The following TOM1 variants were observed in gnomAD, a reference collection of about 807,000 sequenced individuals.
The protein encoded by TOM1 is target of Myb protein 1.
A neutral mutation model predicts 61.3 loss-of-function variants in TOM1; 38 were observed. That is an observed-to-expected ratio of 0.62 (90% CI 0.48 to 0.81). The LOEUF (loss-of-function observed/expected upper bound fraction) is 0.81. Among genes scored for constraint, TOM1 ranks in the 40% least tolerant of loss-of-function variants. The pLI, the probability that TOM1 is intolerant of heterozygous loss-of-function variation, is 0.00. For synonymous variants in TOM1, 270 were observed against 268.8 expected (o/e 1.00, Z -0.04); for missense variants, 591 against 659.6 (o/e 0.90, Z 1.14).
intron 1 of TOM1, 82 bp from the exon 2 acceptor site, chr22:35,317,795 A>T: frequency 9.8e-7 from 1 of 1,018,058 alleles, no homozygotes; most frequent in Non-Finnish European, 1.6e-6. Context: ...CCGGCCCTGC[A>T]CCCCCCTCCT....
rs1461849498 is a variant in TOM1 at position 35,300,105 on chromosome 22, C to G, written c.52+125C>G. 4.7e-6 allele frequency: 5 copies of G among 1,057,502 alleles called. No individual in the cohort carries two copies. The East Asian group carries it at 7.9e-5, about 17-fold the overall frequency. 65.5% of individuals were successfully genotyped at this position (1,057,502 alleles called of 1,614,324 possible). Reference sequence around the variant, plus strand: ...GCAAGGAGGCTGGCGTGTAGCTCTCCGACCTGGCTCCGCCCAGCTTTCCTC... The same window carrying G: ...GCAAGGAGGCTGGCGTGTAGCTCTCGGACCTGGCTCCGCCCAGCTTTCCTC... On this transcript the variant is annotated intron_variant, in intron 1 of 14. Transcript: ENST00000449058.
At chr22:35,345,849 C>T (rs1930464138) in intron 13 of TOM1, 65 bp downstream of exon 13, 3 of 1,553,304 alleles carry the variant, frequency 1.9e-6, no homozygotes, top group South Asian at 2.2e-5. Context: ...AAGAAATGAC[C>T]CATGGGGCCA....
intron 1 of TOM1, among the ~76,000 whole-genome samples, chr22:35,306,602 A>G (rs1926350362): frequency 6.6e-6 from 1 of 152,170 alleles, no homozygotes; most frequent in Non-Finnish European, 1.5e-5. Flanking sequence ...CTGTTCTTCA[A>G]TGTCCTCGTC....
chr22:35,343,280 TAC>T (rs1208651581), intron 12 of TOM1, among the ~76,000 whole-genome samples: 9 of 103,884 alleles, frequency 8.7e-5, no homozygotes, highest in Admixed American at 3.2e-4. Context: ...CTCATACACC[TAC>T]ACACACAGCC....
chr22:35,302,103 G>A (rs1450760630), intron 1 of TOM1, among the ~76,000 whole-genome samples: 1 of 152,158 alleles, frequency 6.6e-6, no homozygotes, highest in East Asian at 1.9e-4. Context: ...AAATACTTCT[G>A]TGCAAAGAGA....
chr22:35,334,086 G>A (rs188909969), intron 10 of TOM1, among the ~76,000 whole-genome samples: 65 of 152,300 alleles, frequency 4.3e-4, no homozygotes, highest in African/African-American at 1.5e-3. Context: ...AATGGATAGC[G>A]TTTTGACTGT....
chr22:35,346,618 G>A (rs1930520836), intron 13 of TOM1, among the ~76,000 whole-genome samples: 1 of 152,202 alleles, frequency 6.6e-6, no homozygotes, highest in Admixed American at 6.5e-5. Flanking sequence ...CAGGTGCTGG[G>A]CTTGGCGTGC....
chr22:35,345,539 T>G (rs573763510), intron 12 of TOM1, 186 bp from the exon 13 acceptor site: 4 of 628,536 alleles, frequency 6.4e-6, no homozygotes, highest in Non-Finnish European at 1.2e-5. Context: ...CCCTGCTTAG[T>G]CTCCTGGCTC....
In TOM1 at chr22:35,334,457, C is replaced by T. The variant is rs1929114072; in HGVS notation, c.1148+9C>T. The T allele has an allele frequency of 6.2e-7, 1 of 1,613,568 alleles. No individual in the cohort carries two copies. Among genetic ancestry groups the T allele is most frequent in the Non-Finnish European group, 8.5e-7 (1 of 1,179,950 alleles). ...GCTGACCAACGGAAAGAGTGAGTGG[C>T]CTGGCCCTGCCCTGGTCCCCTGCAG... is the stretch of plus-strand genomic sequence containing the variant. On this transcript the variant is annotated intron_variant, in intron 11 of 14. Coordinates refer to ENST00000449058, the MANE Select transcript of TOM1 (RefSeq NM_005488.3).
At position 35,323,263 on chromosome 22, in the gene TOM1, G is replaced by A. The variant is rs1441979833; in HGVS notation, c.366+86G>A. On this transcript the variant is annotated intron_variant, in intron 4 of 14. Coordinates refer to ENST00000449058, the MANE Select transcript of TOM1 (RefSeq NM_005488.3). This position sits in a 1 kb window ranked among gnomAD's most constrained non-coding sequence, Gnocchi z 4.2. ...CCCAGTGGAGAGTCGAGGCCATCGT[G>A]TTTGTCCCAGGCTCCGCTTCTCATT... is the stretch of plus-strand genomic sequence containing the variant. 3.3e-6 allele frequency: 5 copies of A among 1,534,508 alleles called. No individual in the cohort carries two copies. The highest frequency in any genetic ancestry group is 4.4e-6 in the Non-Finnish European group (5 of 1,136,838).
chr22:35,315,441 CT>C, intron 1 of TOM1, among the ~76,000 whole-genome samples: 1 of 152,298 alleles, frequency 6.6e-6, no homozygotes. Context: ...CAGAGGGACA[CT>C]TGTTTGGCCC....
chr22:35,317,798 C>A (rs982582228), intron 1 of TOM1, 79 bp from the exon 2 acceptor site: 1 of 1,071,308 alleles, frequency 9.3e-7, no homozygotes, highest in Non-Finnish European at 1.5e-6. Flanking sequence ...GCCCTGCACC[C>A]CCCTCCTCTC....
upstream of TOM1, chr22:35,299,285 A>G (rs1269887814): frequency 3.9e-5 from 6 of 152,296 alleles, no homozygotes; most frequent in Admixed American, 6.5e-5. Context: ...GCTTTTTGCC[A>G]TCCTGGGCGC....
intron 6 of TOM1, among the ~76,000 whole-genome samples, chr22:35,324,315 G>C (rs567489740): frequency 1.3e-4 from 20 of 151,234 alleles, no homozygotes; most frequent in African/African-American, 4.9e-4. Flanking sequence ...GCATGGTCAC[G>C]TGCGTCTGTG....
Position 35,333,003 on chromosome 22 carries a change from C to A in TOM1, c.922C>A (p.Gln308Lys). 2 of 1,614,206 alleles carry A rather than the reference C, an allele frequency of 1.2e-6. No individual in the cohort carries two copies. Among genetic ancestry groups the A allele is most frequent in the Admixed American group, 3.3e-5 (2 of 60,020 alleles). The change falls in exon 9 of 15, where the codon CAG becomes AAG. Residue 308 changes from glutamine (Q) to lysine (K), a missense_variant. Coordinates refer to ENST00000449058, the MANE Select transcript of TOM1 (RefSeq NM_005488.3). ...TAGGTTTGAACGGTTCCGAACAGGC[C>A]AGACCACCAAGGTAAAAGTCTTCTT... is the stretch of plus-strand genomic sequence containing the variant. ...HERFERFRTG[Q>K]TTKAPSEAEP...
At chr22:35,321,153 C>T (rs1927743914) in intron 2 of TOM1, among the ~76,000 whole-genome samples, 3 of 151,922 alleles carry the variant, frequency 2.0e-5, no homozygotes, top group Admixed American at 2.0e-4. Context: ...AGTTTGAGAC[C>T]AGCCTGGGCA....
chr22:35,341,538 G>A (rs373641250), intron 12 of TOM1, among the ~76,000 whole-genome samples: 25 of 152,030 alleles, frequency 1.6e-4, no homozygotes, highest in Middle Eastern at 3.2e-3. Context: ...CCAACACACC[G>A]CGAGCCTGCT....
chr22:35,334,249 TC>T (rs1276724739), intron 10 of TOM1, 78 bp from the exon 11 acceptor site: 1 of 1,539,272 alleles, frequency 6.5e-7, no homozygotes, highest in Non-Finnish European at 8.8e-7. Flanking sequence ...AAGCCCTGGG[TC>T]TGGCAGCAGG....
In TOM1 at chr22:35,334,200, G is replaced by T; in HGVS notation, c.1028-128G>T. On this transcript the variant is annotated intron_variant, in intron 10 of 14. Coordinates refer to ENST00000449058, the MANE Select transcript of TOM1 (RefSeq NM_005488.3). ...CAGCCAGCAGCAGGTGGCCTGCCTC[G>T]CGCATTCCCCCACCCACACGTGCCA... The T allele has an allele frequency of 4.5e-6, 6 of 1,321,352 alleles. No homozygotes were observed. In the South Asian group the frequency reaches 8.9e-5, roughly 20 times the overall value. The allele number at this position is 1,321,352 out of a possible 1,614,324, so 81.9% of individuals were successfully genotyped here.
Sources: gnomAD v4.1 joint callset for allele counts (sites outside exome capture counted in the v4.1 genomes callset) on GRCh38, gnomAD v4.1.1 for gene constraint, Gnocchi (gnomAD v3.1) non-coding constraint, MANE v1.5 for transcripts, NCBI Gene and HGNC (gene_info 2026-07-23, HGNC 2026-07-21) for gene names.